Variants in CLOCK observed in about 807,000 individuals in gnomAD.
CLOCK encodes the protein circadian locomoter output cycles protein kaput.
A neutral mutation model predicts 118.4 loss-of-function variants in CLOCK; 43 were observed. The observed-to-expected ratio is 0.36, with a 90% CI of 0.28 to 0.47. CLOCK has a LOEUF of 0.47. Ranked by LOEUF, CLOCK falls within the 20% of genes least tolerant of loss-of-function variation. The pLI, the probability that CLOCK is intolerant of heterozygous loss-of-function variation, is 1.00. For synonymous variants in CLOCK, 326 were observed against 339.2 expected, an observed-to-expected ratio of 0.96 and a Z score of 0.43; for missense variants, 846 against 999.9, an observed-to-expected ratio of 0.85 and a Z score of 2.08.
chr4:55,443,024 C>A (rs1723500488), intron 20 of CLOCK, among the ~76,000 whole-genome samples: 1 of 152,076 alleles, frequency 6.6e-6, no homozygotes, highest in Non-Finnish European at 1.5e-5. Context: ...ATTCAATAAA[C>A]CATTATGCCC....
chr4:55,445,582 C>CCTTTTTTTTTTTTTT (rs1723747322), intron 18 of CLOCK, among the ~76,000 whole-genome samples: 2 of 68,574 alleles, frequency 2.9e-5, no homozygotes, highest in East Asian at 4.9e-4. Flanking sequence ...TTTCTATATT[C>CCTTTTTTTTTTTTTT]TTTTTTTTTT....
At position 55,432,723 on chromosome 4, in the gene CLOCK, C is replaced by T. The variant is rs1722604131; in HGVS notation, c.*2692G>A. On this transcript the variant is annotated 3_prime_UTR_variant, in exon 23 of 23. Coordinates refer to ENST00000513440, the MANE Select transcript of CLOCK (RefSeq NM_004898.4). The stretch of plus-strand genomic sequence containing the variant: ...CTGGTGCTTACTACCTCTTCCACTA[C>T]TACGCTTCAGACTGACAGAAAAGCA... 1 of 152,084 alleles carries T rather than the reference C, an allele frequency of 6.6e-6. No individual in the cohort carries two copies. Among genetic ancestry groups the T allele is most frequent in the African/African-American group, 2.4e-5 (1 of 41,422 alleles). The allele number at this position is 152,084 out of a possible 1,614,324, so 9.4% of individuals were successfully genotyped here. A position where few individuals can be genotyped will look rare whatever the true frequency, so the allele number is the denominator to read the frequency against.
intron 7 of CLOCK, 128 bp downstream of exon 7, chr4:55,475,835 A>T: frequency 1.5e-6 from 1 of 679,494 alleles, no homozygotes; most frequent in Non-Finnish European, 2.7e-6. Context: ...TTTTACTGAA[A>T]TATTAGCTTT....
intron 8 of CLOCK, among the ~76,000 whole-genome samples, chr4:55,468,539 T>C (rs1007506432): frequency 6.6e-6 from 1 of 152,234 alleles, no homozygotes; most frequent in Non-Finnish European, 1.5e-5. Context: ...AATTAAAATA[T>C]GGCCAATATG....
At chr4:55,498,873 G>A (rs767846497) in intron 2 of CLOCK, among the ~76,000 whole-genome samples, 1 of 152,108 alleles carries the variant, frequency 6.6e-6, no homozygotes, top group African/African-American at 2.4e-5. Context: ...GTATATTATA[G>A]AACAGACATA....
chr4:55,511,050 C>T (rs907812218), intron 1 of CLOCK, among the ~76,000 whole-genome samples: 1 of 152,054 alleles, frequency 6.6e-6, no homozygotes, highest in African/African-American at 2.4e-5. Flanking sequence ...TGCAAGAGCC[C>T]AAGGAATGAC....
chr4:55,470,759 T>C lies in CLOCK; in HGVS notation c.396A>G (p.Ile132Met). Reference sequence around the variant, plus strand: ...ATGAAGTTACACTCTCAGACACATATATTATGCTTCCATCTGTCATGATTG... The same window carrying C: ...ATGAAGTTACACTCTCAGACACATACATTATGCTTCCATCTGTCATGATTG... ...FLAIMTDGSI[I>M]YVSESVTSLL... The change falls in exon 8 of 23, where the codon ATA becomes ATG. Residue 132 changes from isoleucine (I) to methionine (M), a missense_variant. By Grantham distance (10) the Ile-to-Met change is conservative. Transcript: ENST00000513440. 1 of 1,612,290 alleles carries C rather than the reference T, an allele frequency of 6.2e-7. No homozygotes were observed. Among genetic ancestry groups the C allele is most frequent in the South Asian group, 1.1e-5 (1 of 90,812 alleles).
intron 15 of CLOCK, 33 bp downstream of exon 15, chr4:55,453,020 TA>T: frequency 1.4e-6 from 2 of 1,455,228 alleles, no homozygotes; most frequent in Non-Finnish European, 1.9e-6. Flanking sequence ...GGGGAGAAAT[TA>T]AAAATAATTT....
intron 3 of CLOCK, among the ~76,000 whole-genome samples, chr4:55,487,631 G>A (rs976505446): frequency 6.6e-6 from 1 of 152,040 alleles, no homozygotes; most frequent in African/African-American, 2.4e-5. Flanking sequence ...GGAAAAAGGT[G>A]GCTGCCTTGG....
chr4:55,476,279 C>T (rs954594075), intron 6 of CLOCK, among the ~76,000 whole-genome samples: 4 of 152,154 alleles, frequency 2.6e-5, no homozygotes, highest in Admixed American at 6.6e-5. Context: ...CCAGTCTCTT[C>T]GGTTTTTCTC....
intron 9 of CLOCK, among the ~76,000 whole-genome samples, chr4:55,462,231 C>A (rs1300752402): frequency 6.6e-6 from 1 of 152,170 alleles, no homozygotes; most frequent in Non-Finnish European, 1.5e-5. Context: ...TTAGTAGGGT[C>A]TTCAAAGCAA....
intron 16 of CLOCK, 30 bp downstream of exon 16, chr4:55,450,060 AG>A (rs1724281761): frequency 1.2e-6 from 2 of 1,613,636 alleles, no homozygotes; most frequent in Admixed American, 1.7e-5. Context: ...GTTACTTTAA[AG>A]GAAGTCTGCT....
At chr4:55,435,616 C>T in intron 22 of CLOCK, 22 bp from the exon 23 acceptor site, 4 of 1,612,536 alleles carry the variant, frequency 2.5e-6, no homozygotes, top group Non-Finnish European at 3.4e-6. Flanking sequence ...ATGGATTATG[C>T]AGCATTGCTT....
chr4:55,438,357 G>A lies in CLOCK; in HGVS notation c.2286C>T (p.Ser762=), dbSNP rs1025170980. Residue 762 remains serine, a synonymous_variant, in exon 22 of 23, where the codon TCC becomes TCT. Coordinates refer to ENST00000513440, the MANE Select transcript of CLOCK (RefSeq NM_004898.4). ...SVTQQQQQQS[S]QEQQLTSVQQ... The stretch of plus-strand genomic sequence containing the variant: ...GAACTGAAGTGAGCTGCTGCTCCTG[G>A]GAGCTCTGCTGCTGCTGCTGCTGCG... The A allele has an allele frequency of 6.2e-7, 1 of 1,613,704 alleles. No homozygotes were observed. The highest frequency in any genetic ancestry group is 8.5e-7 in the Non-Finnish European group (1 of 1,179,996).
rs756397668 is a variant in CLOCK, at chr4:55,449,524, T to C, written c.1349-28A>G. 16 of 1,519,742 alleles carry C rather than the reference T, an allele frequency of 1.1e-5. No homozygotes were observed. The Admixed American group carries it at 2.3e-4, about 22-fold the overall frequency. The allele number at this position is 1,519,742 out of a possible 1,614,324, so 94.1% of individuals were successfully genotyped here. Reference sequence around the variant, plus strand: ...GAAGTCAACAAAATCAGAAGAGCATTAGTACTTTATAAAATATAGTTTTTA... The same window carrying C: ...GAAGTCAACAAAATCAGAAGAGCATCAGTACTTTATAAAATATAGTTTTTA... On this transcript the variant is annotated intron_variant, in intron 16 of 22. Transcript: ENST00000513440.
intron 22 of CLOCK, among the ~76,000 whole-genome samples, chr4:55,437,136 A>T (rs1251510853): frequency 6.6e-6 from 1 of 152,216 alleles, no homozygotes; most frequent in Non-Finnish European, 1.5e-5. Flanking sequence ...AAAAGACTGT[A>T]TGACTCTCAG....
chr4:55,431,164 G>A lies in CLOCK; in HGVS notation c.*4251C>T, dbSNP rs919279453. 1.3e-5 allele frequency: 2 copies of A among 152,140 alleles called. No individual in the cohort carries two copies. The highest frequency in any genetic ancestry group is 2.9e-5 in the Non-Finnish European group (2 of 68,016). 9.4% of individuals were successfully genotyped at this position (152,140 alleles called of 1,614,324 possible). ...CTGTGGTATGTTGTTTTAAAAGTGT[G>A]TGCTATTCCTTCCGTAAAGGATCCC... On this transcript the variant is annotated 3_prime_UTR_variant, in exon 23 of 23. Coordinates refer to ENST00000513440, the MANE Select transcript of CLOCK (RefSeq NM_004898.4).
intron 21 of CLOCK, 185 bp downstream of exon 21, chr4:55,442,247 C>T: frequency 1.7e-6 from 1 of 599,368 alleles, no homozygotes; most frequent in South Asian, 2.2e-5. Flanking sequence ...TTTGTTGTTA[C>T]CCTTTAATTA....
chr4:55,522,112 G>A (rs1303427022), intron 1 of CLOCK, among the ~76,000 whole-genome samples: 1 of 152,084 alleles, frequency 6.6e-6, no homozygotes, highest in Non-Finnish European at 1.5e-5. Flanking sequence ...CTTACCACAC[G>A]TAAACATAAA....
Sources: gnomAD v4.1 joint callset for allele counts (sites outside exome capture counted in the v4.1 genomes callset) on GRCh38, gnomAD v4.1.1 for gene constraint, MANE v1.5 for transcripts, NCBI Gene and HGNC (gene_info 2026-07-23, HGNC 2026-07-21) for gene names.